The following BCAR1 variants were observed in gnomAD, a reference collection of about 807,000 sequenced individuals.
BCAR1 encodes BCAR1 scaffold protein, Cas family member.
Under a neutral mutation model 67.6 loss-of-function variants are expected in BCAR1, and 30 were observed. The observed-to-expected ratio is 0.44, with a 90% confidence interval of 0.33 to 0.60. The LOEUF is 0.60. Among genes scored for constraint, BCAR1 ranks in the 20% least tolerant of loss-of-function variants. The pLI is 0.02. For missense variants in BCAR1, 1,313 were observed against 1,222.3 expected, an observed-to-expected ratio of 1.07 and a Z score of -1.11; for synonymous variants, 626 against 556.7, an observed-to-expected ratio of 1.12 and a Z score of -1.75.
chr16:75,265,975 G>T (rs1422869394), intron 1 of BCAR1: 8 of 1,059,274 alleles, frequency 7.6e-6, no homozygotes, highest in South Asian at 4.5e-5. Context: ...CCCGGACGCC[G>T]GACTGTCCGG....
At chr16:75,241,642 C>T (rs1356954148) in intron 2 of BCAR1, among the ~76,000 whole-genome samples, 2 of 152,194 alleles carry the variant, frequency 1.3e-5, no homozygotes, top group Non-Finnish European at 2.9e-5. Context: ...CCATGGAGTC[C>T]CCCACCCGCC....
chr16:75,252,851 CTT>C (rs1426860012), upstream of BCAR1, among the ~76,000 whole-genome samples: 2 of 152,212 alleles, frequency 1.3e-5, no homozygotes. Flanking sequence ...CTCTGGGCTC[CTT>C]TCTCATCTGA....
chr16:75,264,690 C>G (rs2077967701), intron 1 of BCAR1: 1 of 1,235,960 alleles, frequency 8.1e-7, no homozygotes, highest in Non-Finnish European at 1.0e-6. Context: ...CAGCTTCCCT[C>G]TGGTCATCTG....
chr16:75,245,644 G>A (rs1200651707), intron 1 of BCAR1, among the ~76,000 whole-genome samples: 2 of 152,246 alleles, frequency 1.3e-5, no homozygotes, highest in Non-Finnish European at 2.9e-5. Context: ...AAGCCAGGCT[G>A]GGAAGCATCT....
intron 2 of BCAR1, chr16:75,238,686 C>T: frequency 9.1e-6 from 9 of 985,838 alleles, no homozygotes; most frequent in Non-Finnish European, 1.1e-5. Flanking sequence ...GTGTCCCCGC[C>T]CCCTTCCAGT....
chr16:75,251,326 G>T, intron 1 of BCAR1, 145 bp downstream of exon 1: 2 of 1,177,630 alleles, frequency 1.7e-6, no homozygotes, highest in Non-Finnish European at 2.2e-6. Flanking sequence ...CCCGGCCAGG[G>T]CAGAAGGAGA....
At chr16:75,251,155 G>A (rs1356428889) in intron 1 of BCAR1, among the ~76,000 whole-genome samples, 1 of 152,136 alleles carries the variant, frequency 6.6e-6, no homozygotes, top group Non-Finnish European at 1.5e-5. Flanking sequence ...AGAGGCCCAA[G>A]GTGACACAGC....
chr16:75,250,900 T>A (rs2077661060), intron 1 of BCAR1: 1 of 985,360 alleles, frequency 1.0e-6, no homozygotes, highest in Non-Finnish European at 1.2e-6. Context: ...CCGCCCCCAC[T>A]CCCGCTCCGC....
intron 6 of BCAR1, among the ~76,000 whole-genome samples, chr16:75,232,582 T>C (rs910205082): frequency 6.6e-6 from 1 of 152,170 alleles, no homozygotes; most frequent in Non-Finnish European, 1.5e-5. Context: ...AGGTGTGACA[T>C]TTATTCTTTT....
chr16:75,262,468 A>G (rs2077925958), intron 1 of BCAR1, among the ~76,000 whole-genome samples: 1 of 152,222 alleles, frequency 6.6e-6, no homozygotes, highest in Non-Finnish European at 1.5e-5. Flanking sequence ...CTGGTGAACG[A>G]GGCAGCTGGC....
Position 75,229,915 on chromosome 16 carries a change from C to T in BCAR1, c.2209G>A (p.Gly737Arg). ...PLAPGRTGGLGPSDRQLLLFY... is the reference protein window; with the variant it reads ...PLAPGRTGGLRPSDRQLLLFY... The stretch of plus-strand genomic sequence containing the variant: ...AGCAGCAGCTGCCGGTCCGAGGGCC[C>T]CAGGCCGCCTGTTCGCCCCGGGGCC... The change falls in exon 7 of 7, where the codon GGG (glycine) becomes AGG (arginine). Residue 737 changes from glycine (G) to arginine (R), a missense_variant. By Grantham distance (125) the Gly-to-Arg change is moderately radical (BLOSUM62 -2). Transcript: ENST00000162330. 1.9e-6 allele frequency: 3 copies of T among 1,608,050 alleles called. No homozygotes were observed. The highest frequency in any genetic ancestry group is 2.6e-6 in the Non-Finnish European group (3 of 1,175,850).
chr16:75,238,288 C>CG (rs976449634), intron 2 of BCAR1: 28 of 1,156,054 alleles, frequency 2.4e-5, no homozygotes, highest in South Asian at 9.8e-5. Context: ...CTCCAGCCCC[C>CG]GGGCACACTG....
At chr16:75,264,243 T>C in intron 1 of BCAR1, 1 of 1,369,586 alleles carries the variant, frequency 7.3e-7, no homozygotes, top group Admixed American at 3.1e-5. Flanking sequence ...AGCTTGGCTC[T>C]GACTGTGGAC....
chr16:75,239,503 C>T (rs764884220), intron 2 of BCAR1, among the ~76,000 whole-genome samples: 3 of 152,208 alleles, frequency 2.0e-5, no homozygotes, highest in Non-Finnish European at 4.4e-5. Flanking sequence ...GCCCCAGAGG[C>T]AGGTGTCAGG....
At chr16:75,243,531 A>T (rs969639778) in intron 1 of BCAR1, 1 of 503,196 alleles carries the variant, frequency 2.0e-6, no homozygotes, top group Non-Finnish European at 3.9e-6. Flanking sequence ...TCTTAGGATA[A>T]AAAAATGAAC....
intron 6 of BCAR1, 38 bp from the exon 7 acceptor site, chr16:75,230,061 C>T (rs776944255): frequency 4.5e-5 from 68 of 1,514,040 alleles, no homozygotes; most frequent in Non-Finnish European, 5.6e-5. Context: ...GTTAGGCTCT[C>T]GGGTGAGTTG....
chr16:75,260,289 G>T (rs1597284080), intron 1 of BCAR1, among the ~76,000 whole-genome samples: 1 of 152,284 alleles, frequency 6.6e-6, no homozygotes, highest in East Asian at 1.9e-4. Context: ...CAGGGTGATA[G>T]AGACATTTGT....
rs944031465 is a variant in BCAR1 at position 75,247,604 on chromosome 16, C to T, written c.12+3867G>A. ...CTGTCCCCAAACTCCTTCTCTGGGT[C>T]AGGCGGAAGCTGGTGTCGGCGAGTG... On this transcript the variant is annotated intron_variant, in intron 1 of 6. Transcript: ENST00000162330. 9 of 168,566 alleles carry T rather than the reference C, an allele frequency of 5.3e-5. No individual in the cohort carries two copies. In the East Asian group the frequency reaches 1.5e-3, roughly 27 times the overall value. The allele number at this position is 168,566 out of a possible 1,614,324, so 10.4% of individuals were successfully genotyped here. A position where few individuals can be genotyped will look rare whatever the true frequency, so the allele number is the denominator to read the frequency against.
intron 1 of BCAR1, chr16:75,248,824 A>T (rs1745892153): frequency 6.6e-6 from 1 of 152,594 alleles, no homozygotes; most frequent in South Asian, 2.1e-4. Flanking sequence ...CCCACGCGTG[A>T]CACTCAGCAG....
Sources: gnomAD v4.1 joint callset for allele counts (sites outside exome capture counted in the v4.1 genomes callset) on GRCh38, gnomAD v4.1.1 for gene constraint, MANE v1.5 for transcripts, NCBI Gene and HGNC (gene_info 2026-07-23, HGNC 2026-07-21) for gene names.